FOXP2: variants seen among roughly 807,000 people sequenced by gnomAD.
FOXP2 encodes forkhead box P2.
A neutral mutation model predicts 115.8 loss-of-function variants in FOXP2; 12 were observed. The observed-to-expected ratio is 0.10, with a 90% confidence interval of 0.07 to 0.17. FOXP2 has a LOEUF of 0.17. FOXP2 is among the 10% of genes least tolerant of loss of function. FOXP2 has a pLI of 1.00. For synonymous variants in FOXP2, 328 were observed against 297.7 expected, an observed-to-expected ratio of 1.10 and a Z score of -1.05; for missense variants, 629 against 843.5, an observed-to-expected ratio of 0.75 and a Z score of 3.15.
intron 2 of FOXP2, among the ~76,000 whole-genome samples, chr7:114,465,506 A>G (rs1795763838): frequency 6.6e-6 from 1 of 152,220 alleles, no homozygotes; most frequent in Non-Finnish European, 1.5e-5. Flanking sequence ...AATAAAGTCT[A>G]AGCCTTAAAG....
At chr7:114,211,794 C>T (rs899971408) in intron 1 of FOXP2, among the ~76,000 whole-genome samples, 1 of 152,080 alleles carries the variant, frequency 6.6e-6, no homozygotes, top group Non-Finnish European at 1.5e-5. Context: ...TTGTTTCTGC[C>T]GGGCACGATG....
intron 3 of FOXP2, among the ~76,000 whole-genome samples, chr7:114,587,355 G>A (rs1055038309): frequency 2.0e-5 from 3 of 152,014 alleles, no homozygotes; most frequent in Non-Finnish European, 4.4e-5. Flanking sequence ...GTGTTCATGC[G>A]ATGTTTGGTT....
At chr7:114,641,799 T>G (rs1805546749) in intron 6 of FOXP2, among the ~76,000 whole-genome samples, 1 of 151,840 alleles carries the variant, frequency 6.6e-6, no homozygotes, top group Admixed American at 6.6e-5. Context: ...TTATTTATTT[T>G]TATTTTTTAT....
chr7:114,607,519 TAAAA>T (rs1803394235), intron 3 of FOXP2, among the ~76,000 whole-genome samples: 1 of 152,136 alleles, frequency 6.6e-6, no homozygotes, highest in South Asian at 2.1e-4. Flanking sequence ...AAAAATGTGA[TAAAA>T]TAAGGATTGC....
At chr7:114,247,530 A>G (rs1344301401) in intron 1 of FOXP2, among the ~76,000 whole-genome samples, 1 of 152,126 alleles carries the variant, frequency 6.6e-6, no homozygotes, top group Non-Finnish European at 1.5e-5. Context: ...CCTTTAGTGA[A>G]TCACAATTTC....
intron 2 of FOXP2, among the ~76,000 whole-genome samples, chr7:114,292,595 C>G (rs1179969830): frequency 6.6e-6 from 1 of 152,126 alleles, no homozygotes; most frequent in Non-Finnish European, 1.5e-5. Context: ...CTGTCCCATT[C>G]TTTATCTTTT....
At position 114,415,149 on chromosome 7, in the gene FOXP2, C is replaced by A. The variant is rs761418050; in HGVS notation, c.-222C>A. ...AGCACAAAATGCCATCAGTCTGGGACGTGATCGGGCAGAGGTGTACTCACA... is the reference window on the plus strand; with the variant it reads ...AGCACAAAATGCCATCAGTCTGGGAAGTGATCGGGCAGAGGTGTACTCACA... On this transcript the variant is annotated 5_prime_UTR_variant, in exon 1 of 17. Transcript: ENST00000350908. 3 of 454,252 alleles carry A rather than the reference C, an allele frequency of 6.6e-6. No individual in the cohort carries two copies. The allele number at this position is 454,252 out of a possible 1,614,324, so 28.1% of individuals were successfully genotyped here. A position where few individuals can be genotyped will look rare whatever the true frequency, so the allele number is the denominator to read the frequency against.
chr7:114,469,921 G>A lies in FOXP2; in HGVS notation c.168+43242G>A, dbSNP rs1343543300. 5.9e-5 allele frequency among the ~76,000 whole-genome samples: 9 copies of A among 152,168 alleles called. No homozygotes were observed. The East Asian group carries it at 1.4e-3, about 23-fold the overall frequency. On this transcript the variant is annotated intron_variant, in intron 2 of 16. Coordinates refer to ENST00000350908, the MANE Select transcript of FOXP2 (RefSeq NM_014491.4). ...TTTTGGTTTTGAAAGCAGATATTTA[G>A]AGTTTTGTTATTATCACATCATACT...
At chr7:114,267,329 T>C (rs1427434090) in intron 1 of FOXP2, among the ~76,000 whole-genome samples, 1 of 152,176 alleles carries the variant, frequency 6.6e-6, no homozygotes, top group Non-Finnish European at 1.5e-5. Context: ...ACATCTTCCA[T>C]TACTTTCATT....
chr7:114,607,652 T>G (rs1803401558), intron 3 of FOXP2, among the ~76,000 whole-genome samples: 1 of 152,088 alleles, frequency 6.6e-6, no homozygotes, highest in African/African-American at 2.4e-5. Context: ...CCAAAGAAAA[T>G]GCACAGAGGC....
chr7:114,531,772 A>G lies in FOXP2; in HGVS notation c.169-2845A>G, dbSNP rs568415877. On this transcript the variant is annotated intron_variant, in intron 2 of 16. Coordinates refer to ENST00000350908, the MANE Select transcript of FOXP2 (RefSeq NM_014491.4). ...TTAAAGTAGAAGCATTTTTTTAGCCAGCTATCTTGTGATATTTCATTACTA... is the reference window on the plus strand; with the variant it reads ...TTAAAGTAGAAGCATTTTTTTAGCCGGCTATCTTGTGATATTTCATTACTA... Among the ~76,000 whole-genome samples the G allele has an allele frequency of 1.4e-3, 219 of 152,124 alleles. 1 individual carries two copies. The highest frequency in any genetic ancestry group is 5.2e-3 in the African/African-American group (217 of 41,550).
chr7:114,459,456 C>T (rs1004980748), intron 2 of FOXP2, among the ~76,000 whole-genome samples: 6 of 152,188 alleles, frequency 3.9e-5, no homozygotes, highest in African/African-American at 1.4e-4. Context: ...TATTTTCAGA[C>T]TTATGGTCCA....
At chr7:114,185,810 G>A (rs552925438) in intron 1 of FOXP2, among the ~76,000 whole-genome samples, 48 of 152,168 alleles carry the variant, frequency 3.2e-4, no homozygotes, top group African/African-American at 1.0e-3. Flanking sequence ...TACTTTATGC[G>A]TTTAAAAATA....
chr7:114,569,985 C>T (rs1227574003), intron 3 of FOXP2, among the ~76,000 whole-genome samples: 1 of 151,866 alleles, frequency 6.6e-6, no homozygotes, highest in African/African-American at 2.4e-5. Context: ...TGGGGATCAT[C>T]CTTTCATATC....
At chr7:114,273,027 C>T (rs1796104991) in intron 1 of FOXP2, among the ~76,000 whole-genome samples, 1 of 151,846 alleles carries the variant, frequency 6.6e-6, no homozygotes. Context: ...AAAGAGCAAA[C>T]ATAGGTCATG....
chr7:114,625,006 T>C (rs886512270), intron 3 of FOXP2, among the ~76,000 whole-genome samples: 4 of 151,632 alleles, frequency 2.6e-5, no homozygotes, highest in Non-Finnish European at 5.9e-5. Context: ...TAAACCTATC[T>C]TTATATTCAG....
chr7:114,481,271 T>G (rs1295023527), intron 2 of FOXP2, among the ~76,000 whole-genome samples: 1 of 151,216 alleles, frequency 6.6e-6, no homozygotes, highest in Non-Finnish European at 1.5e-5. Flanking sequence ...ATTATCTGTA[T>G]ACATTTTTAA....
intron 1 of FOXP2, among the ~76,000 whole-genome samples, chr7:114,249,233 G>A (rs1376191819): frequency 6.6e-6 from 1 of 151,912 alleles, no homozygotes; most frequent in Non-Finnish European, 1.5e-5. Flanking sequence ...TAAGTTCTGA[G>A]GTACATGTGC....
chr7:114,510,113 A>G (rs981144613), intron 2 of FOXP2, among the ~76,000 whole-genome samples: 1 of 152,170 alleles, frequency 6.6e-6, no homozygotes, highest in African/African-American at 2.4e-5. Context: ...AACTACTTTC[A>G]TGGCTTATTA....
Sources: allele counts gnomAD v4.1 joint callset (sites outside exome capture counted in the v4.1 genomes callset), GRCh38; gene constraint gnomAD v4.1.1; transcripts MANE v1.5; gene names NCBI Gene and HGNC (gene_info 2026-07-23, HGNC 2026-07-21).